The following NTN5 variants were observed in gnomAD, a reference collection of about 807,000 sequenced individuals.
NTN5 encodes netrin-5.
Under a neutral mutation model 38.7 loss-of-function variants are expected in NTN5, and 42 were observed. That is an observed-to-expected ratio of 1.08 (90% CI 0.85 to 1.40). The LOEUF (loss-of-function observed/expected upper bound fraction) is 1.40, where lower values mean the gene tolerates loss of function less well. NTN5 is among the 40% of genes most tolerant of loss of function. The pLI, the probability that NTN5 is intolerant of heterozygous loss-of-function variation, is 0.00. For missense variants in NTN5, 658 were observed against 716.5 expected (o/e 0.92, Z 0.93); for synonymous variants, 329 against 303.9 (o/e 1.08, Z -0.86).
At position 48,670,719 on chromosome 19, in the gene NTN5, G is replaced by T; in HGVS notation, c.268C>A (p.Leu90Ile). ...LRFCTPGPPA[L>I]ILSAAWASGG... Reference sequence around the variant, plus strand: ...GAGGCCCAGGCAGCAGACAGGATGAGGGCTGGGGGTCCTGGGGTACAGAAG... The same window carrying T: ...GAGGCCCAGGCAGCAGACAGGATGATGGCTGGGGGTCCTGGGGTACAGAAG... Residue 90 changes from leucine to isoleucine, a missense_variant, in exon 2 of 7, where the codon CTC (leucine) becomes ATC (isoleucine). Coordinates refer to ENST00000270235, the MANE Select transcript of NTN5 (RefSeq NM_145807.4). 1 of 1,612,594 alleles carries T rather than the reference G, an allele frequency of 6.2e-7. No individual in the cohort carries two copies. Among genetic ancestry groups the T allele is most frequent in the East Asian group, 2.2e-5 (1 of 44,866 alleles).
At chr19:48,666,933 G>T (rs2031720198) in intron 2 of NTN5, among the ~76,000 whole-genome samples, 1 of 151,862 alleles carries the variant, frequency 6.6e-6, no homozygotes, top group Non-Finnish European at 1.5e-5. Flanking sequence ...GGACTGCAGG[G>T]TGTTTTGACA....
intron 2 of NTN5, among the ~76,000 whole-genome samples, chr19:48,667,895 C>T (rs538042292): frequency 1.3e-5 from 2 of 150,656 alleles, no homozygotes; most frequent in South Asian, 4.2e-4. Flanking sequence ...GGAGGCAAAG[C>T]GCATGGGAGG....
chr19:48,666,403 C>T (rs930863562), intron 2 of NTN5, among the ~76,000 whole-genome samples: 1 of 152,036 alleles, frequency 6.6e-6, no homozygotes, highest in Non-Finnish European at 1.5e-5. Context: ...GGCATAGTGG[C>T]CCACACCTGT....
At position 48,664,705 on chromosome 19, in the gene NTN5, C is replaced by A. The variant is rs367658447; in HGVS notation, c.694G>T (p.Gly232Cys). Residue 232 changes from glycine (G) to cysteine (C), a missense_variant, in exon 3 of 7, where the codon GGC (glycine) becomes TGC (cysteine). By Grantham distance (159) the Gly-to-Cys change is radical. Coordinates refer to ENST00000270235, the MANE Select transcript of NTN5 (RefSeq NM_145807.4). ...RFNSELFRLS[G>C]GRSGGVCERC... ...TCACAAACACCCCCACTCCGGCCGC[C>A]CGACAGTCTGAACAGCTCAGAGTTG... The A allele has an allele frequency of 1.9e-6, 3 of 1,604,380 alleles. No individual in the cohort carries two copies. The highest frequency in any genetic ancestry group is 2.6e-6 in the Non-Finnish European group (3 of 1,175,654).
chr19:48,666,996 TG>T (rs1373746813), intron 2 of NTN5, among the ~76,000 whole-genome samples: 1 of 151,974 alleles, frequency 6.6e-6, no homozygotes, highest in African/African-American at 2.4e-5. Flanking sequence ...CCGGAAGAGT[TG>T]TGGGATAATC....
At chr19:48,671,096 C>T in intron 1 of NTN5, 90 bp from the exon 2 acceptor site, 2 of 946,566 alleles carry the variant, frequency 2.1e-6, no homozygotes, top group Non-Finnish European at 3.0e-6. Flanking sequence ...GCATTCCACC[C>T]CCAACCCGTC....
rs1358032082 is a variant in NTN5 at position 48,670,542 on chromosome 19, C to A, written c.445G>T (p.Ala149Ser). The change falls in exon 2 of 7, where the codon GCG becomes TCG. Residue 149 changes from alanine to serine, a missense_variant. Transcript: ENST00000270235. ...RVEFGGQAGL[A>S]AAGLRGRCQC... ...CAGCGGCCTCTCAGCCCAGCTGCCGCTAGCCCGGCCTGGCCCCCAAACTCC... is the reference window on the plus strand; with the variant it reads ...CAGCGGCCTCTCAGCCCAGCTGCCGATAGCCCGGCCTGGCCCCCAAACTCC... The A allele has an allele frequency of 6.6e-7, 1 of 1,506,414 alleles. No homozygotes were observed. Among genetic ancestry groups the A allele is most frequent in the African/African-American group, 1.4e-5 (1 of 71,956 alleles). The allele number at this position is 1,506,414 out of a possible 1,614,324, so 93.3% of individuals were successfully genotyped here.
intron 6 of NTN5, chr19:48,663,002 G>A (rs887362025): frequency 2.9e-6 from 1 of 342,320 alleles, no homozygotes; most frequent in Non-Finnish European, 5.8e-6. Context: ...AATAGCCTGA[G>A]GTCATAGACC....
At position 48,664,251 on chromosome 19, in the gene NTN5, T is replaced by C; in HGVS notation, c.862A>G (p.Asn288Asp). The change falls in exon 4 of 7, where the codon AAC becomes GAC. Residue 288 changes from asparagine (N) to aspartate (D), a missense_variant. Asn to Asp is a conservative substitution (Grantham distance 23). Coordinates refer to ENST00000270235, the MANE Select transcript of NTN5 (RefSeq NM_145807.4). ...CAGGTGCACTGCCCACTGGTCTGGTTGCAGGTTCCTCCTGTTGCCCCAATA... is the reference window on the plus strand; with the variant it reads ...CAGGTGCACTGCCCACTGGTCTGGTCGCAGGTTCCTCCTGTTGCCCCAATA... ...HPIGATGGTCNQTSGQCTCKL... is the reference protein window; with the variant it reads ...HPIGATGGTCDQTSGQCTCKL... 1 of 1,613,120 alleles carries C rather than the reference T, an allele frequency of 6.2e-7. No homozygotes were observed. Among genetic ancestry groups the C allele is most frequent in the South Asian group, 1.1e-5 (1 of 90,800 alleles).
rs1195171948 is a variant in NTN5 at position 48,664,653 on chromosome 19, C to T, written c.746G>A (p.Arg249Gln). The T allele has an allele frequency of 6.8e-6, 11 of 1,613,106 alleles. No homozygotes were observed. Among genetic ancestry groups the T allele is most frequent in the East Asian group, 4.5e-5 (2 of 44,864 alleles). The change falls in exon 3 of 7, where the codon CGG becomes CAG. Residue 249 changes from arginine (R) to glutamine (Q), a missense_variant. Coordinates refer to ENST00000270235, the MANE Select transcript of NTN5 (RefSeq NM_145807.4). The stretch of plus-strand genomic sequence containing the variant: ...CCCAGGTTGGCAGTAGTGGCAGTGC[C>T]GCCCAGCTGTGTGGTGGCGGCACCG... ...CERCRHHTAG[R>Q]HCHYCQPGFW...
Position 48,661,819 on chromosome 19 carries a change from C to T in NTN5, c.1328G>A (p.Arg443His), listed in dbSNP as rs1307247512. The T allele has an allele frequency of 8.2e-6, 11 of 1,339,748 alleles. No individual in the cohort carries two copies. The highest frequency in any genetic ancestry group is 6.8e-5 in the South Asian group (4 of 58,810). 83.0% of individuals were successfully genotyped at this position (1,339,748 alleles called of 1,614,324 possible). A position where few individuals can be genotyped will look rare whatever the true frequency, so the allele number is the denominator to read the frequency against. Residue 443 changes from arginine (R) to histidine (H), a missense_variant, in exon 7 of 7, where the codon CGC becomes CAC. Arg to His is a conservative substitution (Grantham distance 29). Transcript: ENST00000270235. ...GSAVGDPDPT[R>H]LILDRHGLAL... Reference sequence around the variant, plus strand: ...GAGGCCGTGGCGGTCGAGGATGAGGCGCGTGGGGTCGGGGTCGCCCACGGC... The same window carrying T: ...GAGGCCGTGGCGGTCGAGGATGAGGTGCGTGGGGTCGGGGTCGCCCACGGC...
Position 48,662,102 on chromosome 19 carries a change from C to G in NTN5, c.1106-61G>C, listed in dbSNP as rs774077129. 6 of 1,351,498 alleles carry G rather than the reference C, an allele frequency of 4.4e-6. No homozygotes were observed. The Admixed American group carries it at 1.5e-4, about 34-fold the overall frequency. 83.7% of individuals were successfully genotyped at this position (1,351,498 alleles called of 1,614,324 possible). On this transcript the variant is annotated intron_variant, in intron 6 of 6. Coordinates refer to ENST00000270235, the MANE Select transcript of NTN5 (RefSeq NM_145807.4). ...GAGCTTCCAGGGTACCTCTGGGTCC[C>G]GTGGGGTCAGTCACAGTGGGCAGGA... is the stretch of plus-strand genomic sequence containing the variant.
chr19:48,667,018 G>C (rs2175274), intron 2 of NTN5, among the ~76,000 whole-genome samples: 3 of 152,028 alleles, frequency 2.0e-5, no homozygotes, highest in Non-Finnish European at 4.4e-5. Context: ...AGGGAGCTCA[G>C]ACGGCTGCAT....
chr19:48,663,608 C>T, intron 5 of NTN5, 65 bp from the exon 6 acceptor site: 1 of 1,555,210 alleles, frequency 6.4e-7, no homozygotes, highest in Non-Finnish European at 8.9e-7. Flanking sequence ...CTGCCCCTGC[C>T]CATCCCTCCG....
intron 2 of NTN5, 88 bp downstream of exon 2, chr19:48,670,268 G>T: frequency 7.7e-7 from 1 of 1,298,790 alleles, no homozygotes; most frequent in South Asian, 2.0e-5. Flanking sequence ...CAGTTCCAGC[G>T]AGGGAAGGGA....
chr19:48,661,910 G>C lies in NTN5; in HGVS notation c.1237C>G (p.Arg413Gly), dbSNP rs1601202544. ...AGGCAGCCGCAGGTCAGGTCGGCGC[G>C]GGGCACCCAGGCGTCCTGGTCGCCG... Reference protein sequence around the residue: ...RRGDQDAWVPRADLTCGCLRL... With the variant: ...RRGDQDAWVPGADLTCGCLRL... The change falls in exon 7 of 7, where the codon CGC (arginine) becomes GGC (glycine). Residue 413 changes from arginine (R) to glycine (G), a missense_variant. Transcript: ENST00000270235. The C allele has an allele frequency of 7.4e-7, 1 of 1,359,070 alleles. No homozygotes were observed. The highest frequency in any genetic ancestry group is 1.6e-5 in the African/African-American group (1 of 63,876). 84.2% of individuals were successfully genotyped at this position (1,359,070 alleles called of 1,614,324 possible). A position where few individuals can be genotyped will look rare whatever the true frequency, so the allele number is the denominator to read the frequency against.
intron 6 of NTN5, 80 bp downstream of exon 6, chr19:48,663,383 A>T: frequency 8.3e-7 from 1 of 1,204,190 alleles, no homozygotes; most frequent in East Asian, 2.3e-5. Context: ...AGAAAGTGGA[A>T]GGCCAGAAAG....
In NTN5 at chr19:48,664,015, G is replaced by C. The variant is rs2031620421; in HGVS notation, c.970+128C>G. 9.3e-6 allele frequency: 12 copies of C among 1,286,592 alleles called. No homozygotes were observed. The South Asian group carries it at 1.8e-4, about 19-fold the overall frequency. The allele number at this position is 1,286,592 out of a possible 1,614,324, so 79.7% of individuals were successfully genotyped here. On this transcript the variant is annotated intron_variant, in intron 4 of 6. Transcript: ENST00000270235. ...CAGTCCCTGCTTATCCGAGGGCCCA[G>C]AGTCCAGCCTCCAGCCTTGGGCTCC... is the stretch of plus-strand genomic sequence containing the variant.
chr19:48,661,765 C>T lies in NTN5; in HGVS notation c.1382G>A (p.Arg461Gln), dbSNP rs770743005. The change falls in exon 7 of 7, where the codon CGG (arginine) becomes CAG (glutamine). Residue 461 changes from arginine (R) to glutamine (Q), a missense_variant. Coordinates refer to ENST00000270235, the MANE Select transcript of NTN5 (RefSeq NM_145807.4). ...CTCCTGCTGCAGCCGCTTCAGGGGC[C>T]GGGCCCAGCGCGGCCTCCATGGCAG... The part of the protein sequence containing the change: ...LALPWRPRWA[R>Q]PLKRLQQEER... The T allele has an allele frequency of 4.3e-5, 63 of 1,481,112 alleles. No homozygotes were observed. The highest frequency in any genetic ancestry group is 5.4e-5 in the Non-Finnish European group (61 of 1,126,500). The allele number at this position is 1,481,112 out of a possible 1,614,324, so 91.7% of individuals were successfully genotyped here.
Sources: gnomAD v4.1 joint callset for allele counts (sites outside exome capture counted in the v4.1 genomes callset) on GRCh38, gnomAD v4.1.1 for gene constraint, MANE v1.5 for transcripts, NCBI Gene and HGNC (gene_info 2026-07-23, HGNC 2026-07-21) for gene names.